FANCC: variants seen among roughly 807,000 people sequenced by gnomAD.
FANCC encodes Fanconi anemia group C protein.
In FANCC, 55 loss-of-function variants were observed where a neutral mutation model predicts 71.3. The observed-to-expected ratio is 0.77, with a 90% CI of 0.62 to 0.97. The LOEUF is 0.97. FANCC is among the 50% of genes least tolerant of loss of function. The pLI is 0.00. For synonymous variants in FANCC, 275 were observed against 244.9 expected, an observed-to-expected ratio of 1.12 and a Z score of -1.15; for missense variants, 678 against 670.9, an observed-to-expected ratio of 1.01 and a Z score of -0.12.
intron 4 of FANCC, among the ~76,000 whole-genome samples, chr9:95,201,011 T>C (rs1186162615): frequency 6.6e-6 from 1 of 152,178 alleles, no homozygotes; most frequent in East Asian, 1.9e-4. Context: ...CTGTAGTACA[T>C]TTCCCATCAA....
intron 1 of FANCC, among the ~76,000 whole-genome samples, chr9:95,263,413 T>C (rs1832175454): frequency 6.6e-6 from 1 of 152,014 alleles, no homozygotes; most frequent in African/African-American, 2.4e-5. Flanking sequence ...AAATGTTTTG[T>C]TCTCAGGGCC....
chr9:95,306,137 T>C (rs1168140706), intron 1 of FANCC, among the ~76,000 whole-genome samples: 1 of 152,240 alleles, frequency 6.6e-6, no homozygotes, highest in African/African-American at 2.4e-5. Context: ...AGTTTTGTTT[T>C]GGATTAACAT....
chr9:95,298,505 T>C lies in FANCC; in HGVS notation c.-79+19021A>G, dbSNP rs548251347. 3.9e-5 allele frequency among the ~76,000 whole-genome samples: 6 copies of C among 152,210 alleles called. No individual in the cohort carries two copies. In the South Asian group the frequency reaches 8.3e-4, roughly 21 times the overall value. On this transcript the variant is annotated intron_variant, in intron 1 of 14. Transcript: ENST00000289081. ...AACAGAGAGACAGTAACTAAAGCTATGGAAATGGATGAGATAACCCAGGGA... is the reference window on the plus strand; with the variant it reads ...AACAGAGAGACAGTAACTAAAGCTACGGAAATGGATGAGATAACCCAGGGA...
chr9:95,107,492 G>T, intron 13 of FANCC: 3 of 609,020 alleles, frequency 4.9e-6, no homozygotes, highest in East Asian at 2.8e-5. Flanking sequence ...CAAGCAGTCA[G>T]GGCACCATGC....
chr9:95,260,350 C>T (rs1007762202), intron 1 of FANCC, among the ~76,000 whole-genome samples: 6 of 152,276 alleles, frequency 3.9e-5, no homozygotes, highest in East Asian at 1.9e-4. Flanking sequence ...CCATGGAATG[C>T]TATGCAGCCA....
intron 1 of FANCC, among the ~76,000 whole-genome samples, chr9:95,249,731 A>ACATCCATG (rs1183394311): frequency 6.6e-6 from 1 of 152,230 alleles, no homozygotes; most frequent in Non-Finnish European, 1.5e-5. Context: ...AAAATAAAAA[A>ACATCCATG]CATCCATGAG....
chr9:95,304,504 G>A (rs558413360), intron 1 of FANCC, among the ~76,000 whole-genome samples: 1 of 151,878 alleles, frequency 6.6e-6, no homozygotes, highest in African/African-American at 2.4e-5. Context: ...CCAGCACTTT[G>A]GGAGGCTGAG....
At chr9:95,152,833 T>C (rs1830257560) in intron 6 of FANCC, among the ~76,000 whole-genome samples, 1 of 151,896 alleles carries the variant, frequency 6.6e-6, no homozygotes, top group Non-Finnish European at 1.5e-5. Flanking sequence ...TGTCACTCTG[T>C]ATGCCAGCGA....
At chr9:95,120,904 T>A (rs947563479) in intron 10 of FANCC, among the ~76,000 whole-genome samples, 2 of 152,186 alleles carry the variant, frequency 1.3e-5, no homozygotes, top group Admixed American at 6.5e-5. Flanking sequence ...CTTACACTTC[T>A]ATTTTTTGGC....
chr9:95,282,174 A>G (rs963409127), intron 1 of FANCC, among the ~76,000 whole-genome samples: 3 of 152,064 alleles, frequency 2.0e-5, no homozygotes, highest in African/African-American at 7.2e-5. Context: ...GACTTGCCTC[A>G]CCTATAAGGA....
At chr9:95,154,948 G>C (rs1830373009) in intron 6 of FANCC, among the ~76,000 whole-genome samples, 1 of 151,866 alleles carries the variant, frequency 6.6e-6, no homozygotes, top group Non-Finnish European at 1.5e-5. Context: ...GCTTATGTCT[G>C]CAATCCCAGA....
chr9:95,131,598 A>G (rs1826922956), intron 8 of FANCC, among the ~76,000 whole-genome samples: 2 of 152,200 alleles, frequency 1.3e-5, no homozygotes, highest in Admixed American at 1.3e-4. Context: ...GCTTTTAGCC[A>G]TACACATCAG....
chr9:95,114,595 G>A, intron 12 of FANCC, 34 bp downstream of exon 12: 1 of 1,572,454 alleles, frequency 6.4e-7, no homozygotes, highest in Non-Finnish European at 8.8e-7. Context: ...AACCATGTGT[G>A]AAGTAGATTT....
chr9:95,212,746 AAACTAAT>A (rs1485438391), intron 4 of FANCC, among the ~76,000 whole-genome samples: 2 of 152,236 alleles, frequency 1.3e-5, no homozygotes, highest in Non-Finnish European at 2.9e-5. Context: ...ATTTTGTTTA[AAACTAAT>A]AATATACTGT....
chr9:95,130,687 C>T (rs938712533), intron 8 of FANCC, among the ~76,000 whole-genome samples: 8 of 152,278 alleles, frequency 5.3e-5, no homozygotes, highest in South Asian at 2.1e-4. Context: ...CCCGTCCCAC[C>T]GTGTAGCTGT....
intron 7 of FANCC, among the ~76,000 whole-genome samples, chr9:95,148,979 C>G (rs1258386261): frequency 6.6e-6 from 1 of 152,112 alleles, no homozygotes; most frequent in African/African-American, 2.4e-5. Flanking sequence ...ACCAAAACAA[C>G]ACGTCCCACC....
At position 95,100,007 on chromosome 9, in the gene FANCC, C is replaced by T. The variant is rs2071023096; in HGVS notation, c.*1700G>A. The T allele has an allele frequency of 4.3e-6, 1 of 232,376 alleles. No individual in the cohort carries two copies. Among genetic ancestry groups the T allele is most frequent in the Non-Finnish European group, 8.5e-6 (1 of 117,610 alleles). 14.4% of individuals were successfully genotyped at this position (232,376 alleles called of 1,614,324 possible). On this transcript the variant is annotated 3_prime_UTR_variant, in exon 15 of 15. Coordinates refer to ENST00000289081, the MANE Select transcript of FANCC (RefSeq NM_000136.3). The stretch of plus-strand genomic sequence containing the variant: ...GAGGCCTGGTCCCAGTGGCCCCTCT[C>T]TCTAGGGGTTCCCTGCTGCCACCAT...
chr9:95,105,966 G>A (rs561536664), intron 14 of FANCC, among the ~76,000 whole-genome samples: 34 of 152,160 alleles, frequency 2.2e-4, no homozygotes, highest in Non-Finnish European at 3.8e-4. Flanking sequence ...CCCTGCTTTC[G>A]GCTCTCTGGG....
At chr9:95,257,597 A>G (rs1831748682) in intron 1 of FANCC, among the ~76,000 whole-genome samples, 1 of 152,232 alleles carries the variant, frequency 6.6e-6, no homozygotes, top group Non-Finnish European at 1.5e-5. Context: ...CTAAATTGAC[A>G]TCCTAACATC....
Sources: allele counts gnomAD v4.1 joint callset (sites outside exome capture counted in the v4.1 genomes callset), GRCh38; gene constraint gnomAD v4.1.1; transcripts MANE v1.5; gene names NCBI Gene and HGNC (gene_info 2026-07-23, HGNC 2026-07-21).